Variants in AKAP10 observed in about 807,000 individuals in gnomAD.
AKAP10 encodes A-kinase anchoring protein 10.
AKAP10 carries 24 observed loss-of-function variants against 80.8 expected under a neutral mutation model. The ratio of observed to expected loss-of-function variants is 0.30; its 90% confidence interval spans 0.22 to 0.42. The LOEUF (loss-of-function observed/expected upper bound fraction) is 0.42. Among genes scored for constraint, AKAP10 ranks in the 10% least tolerant of loss-of-function variants. The probability of loss-of-function intolerance (pLI) is 1.00; values close to 1 mark genes in which losing one functional copy is unlikely to be tolerated. For synonymous variants in AKAP10, 291 were observed against 277.7 expected, an observed-to-expected ratio of 1.05 and a Z score of -0.48; for missense variants, 661 against 794.9, an observed-to-expected ratio of 0.83 and a Z score of 2.03.
intron 12 of AKAP10, among the ~76,000 whole-genome samples, chr17:19,919,120 CCT>C (rs1225173560): frequency 3.3e-5 from 5 of 150,326 alleles, no homozygotes; most frequent in Non-Finnish European, 5.9e-5. Flanking sequence ...TGTTCCCCAC[CCT>C]GTGTCCAAGT....
intron 14 of AKAP10, among the ~76,000 whole-genome samples, chr17:19,907,614 T>C (rs747477120): frequency 3.3e-5 from 5 of 151,882 alleles, no homozygotes; most frequent in Non-Finnish European, 5.9e-5. Flanking sequence ...GAGAAGGGGT[T>C]TCACCATATT....
intron 3 of AKAP10, among the ~76,000 whole-genome samples, chr17:19,962,604 T>C (rs1215281924): frequency 1.3e-5 from 2 of 152,242 alleles, no homozygotes; most frequent in Non-Finnish European, 2.9e-5. Flanking sequence ...CATATATTTA[T>C]ATTTAGTGAT....
chr17:19,911,245 C>CGGGG (rs2042686527), intron 12 of AKAP10, among the ~76,000 whole-genome samples: 1 of 152,158 alleles, frequency 6.6e-6, no homozygotes. Flanking sequence ...TCAGGCCCCC[C>CGGGG]TGCAGAGTCA....
intron 11 of AKAP10, among the ~76,000 whole-genome samples, chr17:19,923,628 G>A (rs1242295505): frequency 2.0e-5 from 3 of 151,992 alleles, no homozygotes; most frequent in East Asian, 1.9e-4. Context: ...CCGGGCTCAC[G>A]CCATTCTCCT....
chr17:19,905,419 CG>C lies in AKAP10; in HGVS notation c.*807del, dbSNP rs752174018. On this transcript the variant is annotated 3_prime_UTR_variant, in exon 15 of 15. Coordinates refer to ENST00000225737, the MANE Select transcript of AKAP10 (RefSeq NM_007202.4). The stretch of plus-strand genomic sequence containing the variant: ...GCCACAGGGGCAAAAGTGGAGTCAT[CG>C]CTATTTCTTTCTTTCTTTCCACATG... The C allele has an allele frequency of 2.0e-5, 3 of 151,864 alleles. No individual in the cohort carries two copies. The highest frequency in any genetic ancestry group is 4.4e-5 in the Non-Finnish European group (3 of 68,016). 9.4% of individuals were successfully genotyped at this position (151,864 alleles called of 1,614,324 possible). A position where few individuals can be genotyped will look rare whatever the true frequency, so the allele number is the denominator to read the frequency against.
At chr17:19,967,381 G>T (rs1235926621) in intron 2 of AKAP10, among the ~76,000 whole-genome samples, 1 of 152,160 alleles carries the variant, frequency 6.6e-6, no homozygotes, top group Admixed American at 6.5e-5. Flanking sequence ...CATACTTCTG[G>T]ATAAATGACA....
chr17:19,974,431 G>T (rs1043166054), intron 1 of AKAP10, among the ~76,000 whole-genome samples: 1 of 152,060 alleles, frequency 6.6e-6, no homozygotes, highest in Admixed American at 6.6e-5. Context: ...TATTGTTAGC[G>T]TTAGTGTACT....
At chr17:19,920,885 A>AG (rs2042805110) in intron 11 of AKAP10, among the ~76,000 whole-genome samples, 1 of 132,546 alleles carries the variant, frequency 7.5e-6, no homozygotes, top group East Asian at 2.2e-4. Flanking sequence ...AAAAAAAAAA[A>AG]GCAAAAAATA....
chr17:19,915,085 G>C (rs757701094), intron 12 of AKAP10, among the ~76,000 whole-genome samples: 2 of 152,096 alleles, frequency 1.3e-5, no homozygotes, highest in Admixed American at 6.5e-5. Context: ...AAAGTAAAAG[G>C]CACCTCTTTC....
intron 4 of AKAP10, among the ~76,000 whole-genome samples, chr17:19,951,183 T>G (rs1597515141): frequency 2.1e-5 from 2 of 93,852 alleles, no homozygotes. Context: ...GGGAGGGAGG[T>G]GGGGGGTCAG....
Position 19,920,134 on chromosome 17 carries a change from C to G in AKAP10, c.1752-16G>C, listed in dbSNP as rs377717452. 8.7e-5 allele frequency: 136 copies of G among 1,564,130 alleles called. No individual in the cohort carries two copies. The African/African-American group carries it at 1.6e-3, about 18-fold the overall frequency. ...TGTCATCTTCCTAAATAAGAATGAA[C>G]AGAAGACTTTAACTTCTAACAATCA... On this transcript the variant is annotated splice_polypyrimidine_tract_variant and intron_variant, in intron 11 of 14. Transcript: ENST00000225737.
At chr17:19,960,089 T>G (rs2152417964) in intron 3 of AKAP10, among the ~76,000 whole-genome samples, 1 of 152,176 alleles carries the variant, frequency 6.6e-6, no homozygotes, top group East Asian at 1.9e-4. Flanking sequence ...TCTAAAAAAA[T>G]AATAATACCT....
chr17:19,948,179 T>C (rs538165746), intron 4 of AKAP10, among the ~76,000 whole-genome samples: 10 of 152,176 alleles, frequency 6.6e-5, no homozygotes, highest in Admixed American at 3.3e-4. Flanking sequence ...GTCTCTCCCA[T>C]GGAATGCAAC....
chr17:19,927,413 T>C (rs2042886511), intron 10 of AKAP10, among the ~76,000 whole-genome samples: 1 of 151,818 alleles, frequency 6.6e-6, no homozygotes, highest in East Asian at 1.9e-4. Context: ...ATGAAGAAAA[T>C]ACCTGGAAAT....
chr17:19,958,076 G>T lies in AKAP10; in HGVS notation c.815C>A (p.Thr272Lys), dbSNP rs572962512. The T allele has an allele frequency of 3.7e-6, 6 of 1,614,174 alleles. No homozygotes were observed. The highest frequency in any genetic ancestry group is 3.3e-5 in the Admixed American group (2 of 60,024). Reference protein sequence around the residue: ...METQESSSTLTVASRNSPASP... With the variant: ...METQESSSTLKVASRNSPASP... ...AGCGGGACTATTTCTACTGGCTACT[G>T]TAAGTGTAGAGGAAGATTCTTGGGT... is the stretch of plus-strand genomic sequence containing the variant. The change falls in exon 4 of 15, where the codon ACA (threonine) becomes AAA (lysine). Residue 272 changes from threonine to lysine, a missense_variant. By Grantham distance (78) the Thr-to-Lys change is moderately conservative. Transcript: ENST00000225737.
At chr17:19,948,249 CA>C (rs1462241217) in intron 4 of AKAP10, among the ~76,000 whole-genome samples, 3 of 152,110 alleles carry the variant, frequency 2.0e-5, no homozygotes, top group Non-Finnish European at 4.4e-5. Flanking sequence ...GAAAAGTAAT[CA>C]GAACTTGCAG....
At chr17:19,945,211 A>G (rs1284677644) in intron 5 of AKAP10, among the ~76,000 whole-genome samples, 2 of 150,666 alleles carry the variant, frequency 1.3e-5, no homozygotes, top group Non-Finnish European at 3.0e-5. Flanking sequence ...CATTAATTTG[A>G]TTAAGCTTAA....
At chr17:19,974,378 T>G (rs1186078253) in intron 1 of AKAP10, among the ~76,000 whole-genome samples, 1 of 152,198 alleles carries the variant, frequency 6.6e-6, no homozygotes, top group Non-Finnish European at 1.5e-5. Flanking sequence ...GTAAACTTTC[T>G]TAAAACATTA....
intron 9 of AKAP10, among the ~76,000 whole-genome samples, chr17:19,934,304 T>C (rs1331867726): frequency 6.6e-6 from 1 of 152,178 alleles, no homozygotes. Context: ...TGACAGTTAC[T>C]GGTGATATAT....
Sources: gnomAD v4.1 joint callset for allele counts (sites outside exome capture counted in the v4.1 genomes callset) on GRCh38, gnomAD v4.1.1 for gene constraint, MANE v1.5 for transcripts, NCBI Gene and HGNC (gene_info 2026-07-23, HGNC 2026-07-21) for gene names.